ATG10: variants seen among roughly 807,000 people sequenced by gnomAD.
ATG10 encodes the protein ubiquitin-like-conjugating enzyme ATG10.
In ATG10, 30 loss-of-function variants were observed where a neutral mutation model predicts 32.1. The ratio of observed to expected loss-of-function variants is 0.94; its 90% CI spans 0.70 to 1.27. The LOEUF is 1.27. ATG10 is among the 50% of genes most tolerant of loss of function. The probability of loss-of-function intolerance (pLI) is 0.00; values close to 1 mark genes in which losing one functional copy is unlikely to be tolerated. For missense variants in ATG10, 233 were observed against 262.3 expected (o/e 0.89, Z 0.77); for synonymous variants, 87 against 91.5 (o/e 0.95, Z 0.28).
At chr5:81,974,254 A>G (rs933583114) in intron 1 of ATG10, among the ~76,000 whole-genome samples, 3 of 152,212 alleles carry the variant, frequency 2.0e-5, no homozygotes, top group Non-Finnish European at 2.9e-5. Context: ...ATCTATTGAA[A>G]ACAAATGTTT....
chr5:82,010,184 A>G, intron 2 of ATG10: 1 of 1,058,784 alleles, frequency 9.4e-7, no homozygotes, highest in Non-Finnish European at 1.4e-6. Context: ...AATGTTTCCA[A>G]GTACAGACAA....
At chr5:82,010,092 A>G (rs1762088736) in intron 2 of ATG10, 2 of 1,605,184 alleles carry the variant, frequency 1.2e-6, no homozygotes, top group Admixed American at 1.7e-5. Flanking sequence ...GGGGTTGACC[A>G]TGGCTAATAG....
chr5:82,092,374 A>G (rs1162505244), intron 3 of ATG10, among the ~76,000 whole-genome samples: 1 of 152,230 alleles, frequency 6.6e-6, no homozygotes, highest in African/African-American at 2.4e-5. Flanking sequence ...CTTTTAAAAC[A>G]TGATATTGAT....
At chr5:82,127,767 G>A (rs550880090) in intron 3 of ATG10, among the ~76,000 whole-genome samples, 3 of 152,228 alleles carry the variant, frequency 2.0e-5, no homozygotes, top group South Asian at 4.1e-4. Context: ...GTTGATTTGG[G>A]GTGGAGAGTT....
chr5:82,017,398 C>G (rs1762319339), intron 2 of ATG10, among the ~76,000 whole-genome samples: 1 of 152,110 alleles, frequency 6.6e-6, no homozygotes, highest in African/African-American at 2.4e-5. Flanking sequence ...CCCTTTATTT[C>G]TTTCTCTTGT....
chr5:82,147,088 C>A (rs888679097), intron 3 of ATG10: 1 of 153,318 alleles, frequency 6.5e-6, no homozygotes, highest in African/African-American at 2.4e-5. Context: ...CTAGGTGGTA[C>A]TAGGTTTAAT....
chr5:82,049,657 A>G (rs951619095), intron 2 of ATG10, among the ~76,000 whole-genome samples: 2 of 152,236 alleles, frequency 1.3e-5, no homozygotes, highest in Non-Finnish European at 2.9e-5. Context: ...ACATCAAAAA[A>G]TGTTTACTTG....
chr5:82,141,608 G>A (rs1428643637), intron 3 of ATG10, among the ~76,000 whole-genome samples: 1 of 151,580 alleles, frequency 6.6e-6, no homozygotes, highest in African/African-American at 2.4e-5. Flanking sequence ...GCTAAACTGG[G>A]CAAAATGCCC....
chr5:82,144,898 A>G (rs982898334), intron 3 of ATG10, among the ~76,000 whole-genome samples: 5 of 152,050 alleles, frequency 3.3e-5, no homozygotes, highest in African/African-American at 1.2e-4. Flanking sequence ...AAAATCTCTT[A>G]CTATGATTGT....
In ATG10 at chr5:82,169,196, G is replaced by A. The variant is rs565225985; in HGVS notation, c.355+4659G>A. On this transcript the variant is annotated intron_variant, in intron 4 of 7. Coordinates refer to ENST00000282185, the MANE Select transcript of ATG10 (RefSeq NM_031482.5). Reference sequence around the variant, plus strand: ...AGAGATAATGGTTAGGAAGGGGTTGGAAGATATAAAGAAAAAGTGAAAGAG... The same window carrying A: ...AGAGATAATGGTTAGGAAGGGGTTGAAAGATATAAAGAAAAAGTGAAAGAG... Among the ~76,000 whole-genome samples the A allele has an allele frequency of 5.9e-5, 9 of 152,110 alleles. No individual in the cohort carries two copies. The South Asian group carries it at 1.9e-3, about 32-fold the overall frequency.
intron 3 of ATG10, among the ~76,000 whole-genome samples, chr5:82,098,470 C>T (rs1415802349): frequency 6.6e-6 from 1 of 151,962 alleles, no homozygotes; most frequent in Non-Finnish European, 1.5e-5. Context: ...ACCACCACGC[C>T]CTGCTAATTT....
chr5:81,975,587 C>T (rs541694107), intron 1 of ATG10, among the ~76,000 whole-genome samples: 48 of 151,914 alleles, frequency 3.2e-4, no homozygotes, highest in African/African-American at 1.0e-3. Context: ...GAGGCTGAGG[C>T]GGGAGGATTG....
At chr5:82,098,754 A>C (rs1472352661) in intron 3 of ATG10, among the ~76,000 whole-genome samples, 1 of 152,210 alleles carries the variant, frequency 6.6e-6, no homozygotes, top group Non-Finnish European at 1.5e-5. Context: ...GATTTGGAGA[A>C]ACAGTCATAG....
intron 5 of ATG10, among the ~76,000 whole-genome samples, chr5:82,205,058 C>T (rs990464790): frequency 7.2e-5 from 11 of 152,234 alleles, no homozygotes; most frequent in African/African-American, 2.2e-4. Flanking sequence ...CAGAAGTGTA[C>T]GAGGAAACAC....
intron 2 of ATG10, among the ~76,000 whole-genome samples, chr5:82,019,130 A>G (rs1275904714): frequency 1.3e-5 from 2 of 152,208 alleles, no homozygotes; most frequent in African/African-American, 4.8e-5. Flanking sequence ...TTTATTAGAC[A>G]AAAGTTTTAT....
intron 3 of ATG10, among the ~76,000 whole-genome samples, chr5:82,159,039 C>T (rs1767922070): frequency 6.6e-6 from 1 of 152,242 alleles, no homozygotes; most frequent in African/African-American, 2.4e-5. Flanking sequence ...TTAACAGTTT[C>T]TTTTTGGCAT....
intron 3 of ATG10, among the ~76,000 whole-genome samples, chr5:82,069,747 T>A (rs959282134): frequency 2.6e-5 from 4 of 152,224 alleles, no homozygotes; most frequent in African/African-American, 7.2e-5. Flanking sequence ...TATTATCTAT[T>A]TTATTAAAGG....
chr5:82,027,479 A>G (rs1483968280), intron 2 of ATG10, among the ~76,000 whole-genome samples: 2 of 152,198 alleles, frequency 1.3e-5, no homozygotes, highest in Admixed American at 1.3e-4. Context: ...TGAATATTTC[A>G]AAGTTTTAAT....
At chr5:82,235,085 T>G (rs1483401829) in intron 5 of ATG10, among the ~76,000 whole-genome samples, 1 of 152,116 alleles carries the variant, frequency 6.6e-6, no homozygotes, top group Non-Finnish European at 1.5e-5. Flanking sequence ...AGGGGATGGG[T>G]GTGCCTCCTA....
Sources: allele counts gnomAD v4.1 joint callset (sites outside exome capture counted in the v4.1 genomes callset), GRCh38; gene constraint gnomAD v4.1.1; transcripts MANE v1.5; gene names NCBI Gene and HGNC (gene_info 2026-07-23, HGNC 2026-07-21).